LUZP2: variants seen among roughly 807,000 people sequenced by gnomAD.
LUZP2 encodes leucine zipper protein 2.
Under a neutral mutation model 51.6 loss-of-function variants are expected in LUZP2, and 52 were observed. The observed-to-expected ratio is 1.01, with a 90% CI of 0.81 to 1.27. The LOEUF is 1.27. LUZP2 is among the 50% of genes most tolerant of loss of function. The pLI is 0.00. For synonymous variants in LUZP2, 154 were observed against 137.3 expected, an observed-to-expected ratio of 1.12 and a Z score of -0.85; for missense variants, 436 against 395.4, an observed-to-expected ratio of 1.10 and a Z score of -0.87.
At chr11:24,517,464 T>C (rs1256172620) in intron 1 of LUZP2, among the ~76,000 whole-genome samples, 7 of 100,050 alleles carry the variant, frequency 7.0e-5, no homozygotes, top group South Asian at 3.6e-4. Flanking sequence ...CCAGCCTGGG[T>C]GACAGAGCCA....
intron 1 of LUZP2, among the ~76,000 whole-genome samples, chr11:24,697,502 G>A (rs1857285790): frequency 6.6e-6 from 1 of 152,190 alleles, no homozygotes; most frequent in African/African-American, 2.4e-5. Context: ...AACCTCACAA[G>A]CTAACTACCT....
chr11:24,565,938 A>G (rs1035135241), intron 1 of LUZP2, among the ~76,000 whole-genome samples: 1 of 152,146 alleles, frequency 6.6e-6, no homozygotes, highest in African/African-American at 2.4e-5. Flanking sequence ...AAATTGTTCA[A>G]TAATATTTTA....
At chr11:24,819,571 A>G (rs765909629) in intron 5 of LUZP2, among the ~76,000 whole-genome samples, 4 of 152,042 alleles carry the variant, frequency 2.6e-5, no homozygotes, top group Non-Finnish European at 5.9e-5. Flanking sequence ...TTTTTGAAAT[A>G]TATTTTTTAC....
intron 9 of LUZP2, among the ~76,000 whole-genome samples, chr11:25,010,634 A>C (rs1355032704): frequency 1.3e-5 from 2 of 152,046 alleles, no homozygotes; most frequent in East Asian, 3.9e-4. Context: ...GAACTACTTG[A>C]GATCAGTAGT....
At chr11:24,903,501 T>A (rs2133783178) in intron 5 of LUZP2, among the ~76,000 whole-genome samples, 1 of 152,242 alleles carries the variant, frequency 6.6e-6, no homozygotes, top group East Asian at 1.9e-4. Flanking sequence ...GAATTCTAAG[T>A]GGGGAACTCT....
intron 5 of LUZP2, among the ~76,000 whole-genome samples, chr11:24,874,722 T>C (rs1176728907): frequency 1.3e-5 from 2 of 152,182 alleles, no homozygotes; most frequent in Admixed American, 6.6e-5. Flanking sequence ...GGGGCACTTG[T>C]TGAACTAATG....
chr11:24,530,683 G>C (rs1019483477), intron 1 of LUZP2, among the ~76,000 whole-genome samples: 1 of 145,430 alleles, frequency 6.9e-6, no homozygotes, highest in Non-Finnish European at 1.5e-5. Flanking sequence ...TTTACATTTT[G>C]CCTTTTTATT....
chr11:24,590,526 CTA>C, intron 1 of LUZP2, among the ~76,000 whole-genome samples: 2 of 152,194 alleles, frequency 1.3e-5, no homozygotes, highest in South Asian at 4.2e-4. Flanking sequence ...AATAATGACA[CTA>C]TTATCACTTT....
At chr11:24,749,882 G>C (rs983168867) in intron 4 of LUZP2, among the ~76,000 whole-genome samples, 1 of 152,114 alleles carries the variant, frequency 6.6e-6, no homozygotes, top group Non-Finnish European at 1.5e-5. Context: ...TTTGGATTCC[G>C]ACTGAGCCGC....
intron 9 of LUZP2, among the ~76,000 whole-genome samples, chr11:25,019,741 A>C (rs1562267): frequency 2.0e-5 from 3 of 151,862 alleles, no homozygotes; most frequent in Admixed American, 6.6e-5. Flanking sequence ...TTAAGATTTT[A>C]TCATGCACAC....
intron 5 of LUZP2, among the ~76,000 whole-genome samples, chr11:24,894,572 GTTT>G (rs747986330): frequency 7.0e-6 from 1 of 143,670 alleles, no homozygotes. Flanking sequence ...GTACCCAGTA[GTTT>G]TTTTTTTTTT....
At chr11:24,933,056 A>T (rs1854499693) in intron 7 of LUZP2, among the ~76,000 whole-genome samples, 1 of 152,158 alleles carries the variant, frequency 6.6e-6, no homozygotes. Flanking sequence ...GCTCCAGATA[A>T]GGTCAAATCA....
chr11:24,570,709 G>A (rs181768425), intron 1 of LUZP2, among the ~76,000 whole-genome samples: 238 of 152,138 alleles, frequency 1.6e-3, no homozygotes, highest in Middle Eastern at 6.8e-3. Flanking sequence ...ATGATTTGCA[G>A]TCTCTTTTCT....
At chr11:25,010,432 T>C (rs899865444) in intron 9 of LUZP2, among the ~76,000 whole-genome samples, 1 of 152,090 alleles carries the variant, frequency 6.6e-6, no homozygotes, top group Non-Finnish European at 1.5e-5. Context: ...CCTGTCATCC[T>C]AGCTACTCAG....
chr11:24,510,930 G>T (rs536391079), intron 1 of LUZP2, among the ~76,000 whole-genome samples: 1 of 152,220 alleles, frequency 6.6e-6, no homozygotes, highest in South Asian at 2.1e-4. Context: ...TTGCCCTCGT[G>T]ATCCAAGGTG....
chr11:24,612,067 A>G (rs1854141865), intron 1 of LUZP2, among the ~76,000 whole-genome samples: 1 of 152,152 alleles, frequency 6.6e-6, no homozygotes, highest in African/African-American at 2.4e-5. Context: ...ATGAAATTCT[A>G]AGGAAGGAAG....
intron 1 of LUZP2, among the ~76,000 whole-genome samples, chr11:24,581,888 T>C (rs530189096): frequency 1.3e-5 from 2 of 152,084 alleles, no homozygotes; most frequent in African/African-American, 4.8e-5. Flanking sequence ...TGATTCACGT[T>C]CCCTGATAGT....
chr11:24,635,216 A>G (rs1326060796), intron 1 of LUZP2, among the ~76,000 whole-genome samples: 1 of 152,116 alleles, frequency 6.6e-6, no homozygotes, highest in Admixed American at 6.6e-5. Flanking sequence ...ATAATGAAAT[A>G]AATCTACCAA....
At chr11:24,675,245 A>G (rs1456170418) in intron 1 of LUZP2, among the ~76,000 whole-genome samples, 3 of 152,222 alleles carry the variant, frequency 2.0e-5, no homozygotes, top group Non-Finnish European at 2.9e-5. Context: ...CCATTTTCCT[A>G]ACAGACATAC....
Sources: gnomAD v4.1 joint callset for allele counts (sites outside exome capture counted in the v4.1 genomes callset) on GRCh38, gnomAD v4.1.1 for gene constraint, MANE v1.5 for transcripts, NCBI Gene and HGNC (gene_info 2026-07-23, HGNC 2026-07-21) for gene names.